FXYD2: variants seen among roughly 807,000 people sequenced by gnomAD.
FXYD2 encodes FXYD domain containing ion transport regulator 2.
A neutral mutation model predicts 11.8 loss-of-function variants in FXYD2; 8 were observed. That is an observed-to-expected ratio of 0.68 (90% CI 0.40 to 1.22). The LOEUF (loss-of-function observed/expected upper bound fraction) is 1.22, where lower values mean the gene tolerates loss of function less well. Ranked by LOEUF, FXYD2 falls within the 50% of genes most tolerant of loss-of-function variation. FXYD2 has a pLI of 0.01. For missense variants in FXYD2, 92 were observed against 91.8 expected, an observed-to-expected ratio of 1.00 and a Z score of -0.01; for synonymous variants, 42 against 33.3, an observed-to-expected ratio of 1.26 and a Z score of -0.90.
rs753037818 is a variant in FXYD2, at chr11:117,822,343, C to T, written c.139+63G>A. 63 of 1,550,000 alleles carry T rather than the reference C, an allele frequency of 4.1e-5. No homozygotes were observed. In the Middle Eastern group the frequency reaches 1.5e-3, roughly 36 times the overall value. ...GGCAACTCCCGAAAGCCAGCCTGCT[C>T]AGCGGCCTTGAGAAGAGAGGTGCCC... On this transcript the variant is annotated intron_variant, in intron 3 of 5. Coordinates refer to ENST00000292079, the MANE Select transcript of FXYD2 (RefSeq NM_001680.5). The surrounding 1 kb of genome is among the most constrained non-coding windows in gnomAD (Gnocchi z 4.7).
At chr11:117,827,085 GAGATAGATAGATAGATAGATAGAT>G (rs61369941), upstream of FXYD2, among the ~76,000 whole-genome samples, 12 of 138,496 alleles carry the variant, frequency 8.7e-5, no homozygotes, top group African/African-American at 2.5e-4. Flanking sequence ...GATAAATAGA[GAGATAGATAGATAGATAGATAGAT>G]AGATAGATAG....
At chr11:117,826,794 A>ATCTATCTATCTGTCTG (rs2056047200), upstream of FXYD2, among the ~76,000 whole-genome samples, 1 of 138,024 alleles carries the variant, frequency 7.2e-6, no homozygotes, top group Non-Finnish European at 1.6e-5. Flanking sequence ...CTATCTATCT[A>ATCTATCTATCTGTCTG]TCTATCTATC....
chr11:117,822,360 G>A lies in FXYD2; in HGVS notation c.139+46C>T, dbSNP rs772822994. The stretch of plus-strand genomic sequence containing the variant: ...AGCCTGCTCAGCGGCCTTGAGAAGA[G>A]AGGTGCCCTGGTCAGCACCCCTTCC... On this transcript the variant is annotated intron_variant, in intron 3 of 5. Transcript: ENST00000292079. The surrounding 1 kb of genome is among the most constrained non-coding windows in gnomAD (Gnocchi z 4.7). The A allele has an allele frequency of 1.1e-5, 17 of 1,550,654 alleles. No individual in the cohort carries two copies. Among genetic ancestry groups the A allele is most frequent in the African/African-American group, 1.4e-5 (1 of 73,028 alleles).
intron 4 of FXYD2, 35 bp from the exon 5 acceptor site, chr11:117,820,731 C>G (rs1202834719): frequency 6.2e-7 from 1 of 1,613,344 alleles, no homozygotes; most frequent in Non-Finnish European, 8.5e-7. Context: ...GGTGAGAGGG[C>G]AGGGGGAGGG....
Position 117,822,506 on chromosome 11 carries a change from C to A in FXYD2, c.65-26G>T. ...CTCCGGAAAGAGAGGGCAAGAGGAG[C>A]GGGATGGGTGGTCTCTCCCAGCAGC... is the stretch of plus-strand genomic sequence containing the variant. On this transcript the variant is annotated intron_variant, in intron 2 of 5. Coordinates refer to ENST00000292079, the MANE Select transcript of FXYD2 (RefSeq NM_001680.5). This position sits in a 1 kb window ranked among gnomAD's most constrained non-coding sequence, Gnocchi z 4.7. 6.4e-7 allele frequency: 1 copy of A among 1,556,906 alleles called. No individual in the cohort carries two copies. Among genetic ancestry groups the A allele is most frequent in the Non-Finnish European group, 8.7e-7 (1 of 1,149,582 alleles).
rs2055983116 is a variant in FXYD2, at chr11:117,824,167, T to A, written c.25+487A>T. 5.0e-6 allele frequency: 1 copy of A among 200,078 alleles called. No individual in the cohort carries two copies. Among genetic ancestry groups the A allele is most frequent in the African/African-American group, 2.3e-5 (1 of 43,700 alleles). The allele number at this position is 200,078 out of a possible 1,614,324, so 12.4% of individuals were successfully genotyped here. A position where few individuals can be genotyped will look rare whatever the true frequency, so the allele number is the denominator to read the frequency against. ...GCATCTGGCTCAAAACCCACCTCTG[T>A]CAGCAAGTGCCCCTCTTGGTTTCCA... On this transcript the variant is annotated intron_variant, in intron 1 of 5. Coordinates refer to ENST00000292079, the MANE Select transcript of FXYD2 (RefSeq NM_001680.5). The surrounding 1 kb of genome is among the most constrained non-coding windows in gnomAD (Gnocchi z 4.0).
upstream of FXYD2, among the ~76,000 whole-genome samples, chr11:117,826,770 G>GTCTATCTA (rs1555040267): frequency 7.4e-6 from 1 of 134,360 alleles, no homozygotes; most frequent in African/African-American, 2.8e-5. Context: ...CTGTCTGTCT[G>GTCTATCTA]TCTGTCTGTC....
Position 117,820,862 on chromosome 11 carries a change from C to A in FXYD2, c.173G>T (p.Arg58Leu), listed in dbSNP as rs761860028. Residue 58 changes from arginine to leucine, a missense_variant, in exon 4 of 6, where the codon CGC (arginine) becomes CTC (leucine). Arg to Leu is a moderately radical substitution (Grantham distance 102). Transcript: ENST00000292079. ...RRFRCGGNKK[R>L]RQINEDEP ...GGTCACCCCAGGCAGCGCTCACCTG[C>A]GCTTCTTATTGCCCCCACAGCGGAA... 1.2e-6 allele frequency: 2 copies of A among 1,613,668 alleles called. No individual in the cohort carries two copies.
chr11:117,823,657 A>G (rs1475346011), intron 1 of FXYD2, among the ~76,000 whole-genome samples: 1 of 152,248 alleles, frequency 6.6e-6, no homozygotes, highest in African/African-American at 2.4e-5. Flanking sequence ...TGGCCTGGCC[A>G]GGACGCTTCT....
rs2055982569 is a variant in FXYD2, at chr11:117,824,146, C to G, written c.25+508G>C. ...GCCCAGCACCCTCCCCTTTCTGCAT[C>G]TGGCTCAAAACCCACCTCTGTCAGC... On this transcript the variant is annotated intron_variant, in intron 1 of 5. Transcript: ENST00000292079. This position sits in a 1 kb window ranked among gnomAD's most constrained non-coding sequence, Gnocchi z 4.0. The G allele has an allele frequency of 5.1e-6, 1 of 194,278 alleles. No individual in the cohort carries two copies. The highest frequency in any genetic ancestry group is 5.2e-5 in the Admixed American group (1 of 19,136). The allele number at this position is 194,278 out of a possible 1,614,324, so 12.0% of individuals were successfully genotyped here.
At position 117,823,188 on chromosome 11, in the gene FXYD2, C is replaced by G. The variant is rs17121275; in HGVS notation, c.26-471G>C. On this transcript the variant is annotated intron_variant, in intron 1 of 5. Coordinates refer to ENST00000292079, the MANE Select transcript of FXYD2 (RefSeq NM_001680.5). ...GCCGAGCCCAATGTGTAGACTTGTT[C>G]AAAGTCCTAATGAAAGCTGAGACAG... 7.4e-3 allele frequency among the ~76,000 whole-genome samples: 1,124 copies of G among 152,240 alleles called. 8 individuals are homozygous for G. Among genetic ancestry groups the G allele is most frequent in the African/African-American group, 0.026 (1,082 of 41,534 alleles).
In FXYD2 at chr11:117,822,506, CG is replaced by C; in HGVS notation, c.65-27del. ...CTCCGGAAAGAGAGGGCAAGAGGAG[CG>C]GGATGGGTGGTCTCTCCCAGCAGCT... On this transcript the variant is annotated intron_variant, in intron 2 of 5. Coordinates refer to ENST00000292079, the MANE Select transcript of FXYD2 (RefSeq NM_001680.5). The surrounding 1 kb of genome is among the most constrained non-coding windows in gnomAD (Gnocchi z 4.7). 6.4e-7 allele frequency: 1 copy of C among 1,556,906 alleles called. No individual in the cohort carries two copies. The highest frequency in any genetic ancestry group is 8.7e-7 in the Non-Finnish European group (1 of 1,149,582).
rs533959280 is a variant in FXYD2, at chr11:117,822,816, C to T, written c.26-99G>A. On this transcript the variant is annotated intron_variant, in intron 1 of 5. Transcript: ENST00000292079. The surrounding 1 kb of genome is among the most constrained non-coding windows in gnomAD (Gnocchi z 4.7). ...TGTCCTTCCCTTCCCAGAGGACCCTCGAGGGTCCAAGCAGGCGAGGGGAGG... is the reference window on the plus strand; with the variant it reads ...TGTCCTTCCCTTCCCAGAGGACCCTTGAGGGTCCAAGCAGGCGAGGGGAGG... 1.5e-5 allele frequency: 23 copies of T among 1,509,692 alleles called. No individual in the cohort carries two copies. The highest frequency in any genetic ancestry group is 1.2e-4 in the East Asian group (5 of 42,836). The allele number at this position is 1,509,692 out of a possible 1,614,324, so 93.5% of individuals were successfully genotyped here.
At position 117,823,972 on chromosome 11, in the gene FXYD2, C is replaced by T. The variant is rs185280554; in HGVS notation, c.25+682G>A. On this transcript the variant is annotated intron_variant, in intron 1 of 5. Coordinates refer to ENST00000292079, the MANE Select transcript of FXYD2 (RefSeq NM_001680.5). ...ACAGAAGGCCGTCAGGGCTGTCTTC[C>T]CAGATTTGGTTCAGGCCTTGTTTAA... Among the ~76,000 whole-genome samples, 6 of 152,274 alleles carry T rather than the reference C, an allele frequency of 3.9e-5. No homozygotes were observed. In the East Asian group the frequency reaches 9.7e-4, roughly 25 times the overall value.
upstream of FXYD2, among the ~76,000 whole-genome samples, chr11:117,826,952 A>T (rs2056052990): frequency 6.6e-6 from 1 of 152,018 alleles, no homozygotes. Context: ...GGGGCATTAA[A>T]CATTAACAGT....
upstream of FXYD2, among the ~76,000 whole-genome samples, chr11:117,827,291 C>G (rs1362724647): frequency 6.6e-6 from 1 of 152,166 alleles, no homozygotes; most frequent in East Asian, 1.9e-4. Context: ...CTCTTGTCAC[C>G]CAGGCTGGAG....
chr11:117,827,986 AG>A, upstream of FXYD2: 1 of 1,529,698 alleles, frequency 6.5e-7, no homozygotes, highest in African/African-American at 1.4e-5. Context: ...TGGGGCTCAG[AG>A]GACTCACCCA....
upstream of FXYD2, chr11:117,828,075 G>A: frequency 1.3e-6 from 2 of 1,549,588 alleles, no homozygotes; most frequent in Non-Finnish European, 8.7e-7. Context: ...CTTGCCTGGG[G>A]CCTGGATGGA....
intron 3 of FXYD2, 61 bp from the exon 4 acceptor site, chr11:117,820,956 A>C: frequency 6.2e-7 from 1 of 1,613,524 alleles, no homozygotes; most frequent in Non-Finnish European, 8.5e-7. Flanking sequence ...ACCCTGGAAG[A>C]CTCAAAATTC....
Sources: gnomAD v4.1 joint callset for allele counts (sites outside exome capture counted in the v4.1 genomes callset) on GRCh38, gnomAD v4.1.1 for gene constraint, Gnocchi (gnomAD v3.1) non-coding constraint, MANE v1.5 for transcripts, NCBI Gene and HGNC (gene_info 2026-07-23, HGNC 2026-07-21) for gene names.